Variants in C8orf34 observed in about 807,000 individuals in gnomAD.
The protein encoded by C8orf34 is chromosome 8 open reading frame 34, also known as uncharacterized protein C8orf34.
In C8orf34, 65 loss-of-function variants were observed where a neutral mutation model predicts 68.3. The ratio of observed to expected loss-of-function variants is 0.95; its 90% CI spans 0.78 to 1.17. C8orf34 has a LOEUF of 1.17. Ranked by LOEUF, C8orf34 falls within the 50% of genes most tolerant of loss-of-function variation. C8orf34 has a pLI of 0.00. For synonymous variants in C8orf34, 244 were observed against 241.2 expected, an observed-to-expected ratio of 1.01 and a Z score of -0.11; for missense variants, 664 against 655.4, an observed-to-expected ratio of 1.01 and a Z score of -0.14.
At chr8:68,705,779 G>A (rs1342165928) in intron 8 of C8orf34, among the ~76,000 whole-genome samples, 2 of 151,814 alleles carry the variant, frequency 1.3e-5, no homozygotes, top group East Asian at 3.9e-4. Context: ...CATATGCTGT[G>A]GGAAATGATA....
intron 3 of C8orf34, among the ~76,000 whole-genome samples, chr8:68,465,616 C>T (rs1178207555): frequency 6.6e-6 from 1 of 152,098 alleles, no homozygotes; most frequent in African/African-American, 2.4e-5. Context: ...GAATACTATG[C>T]AGCCATAAAA....
intron 8 of C8orf34, among the ~76,000 whole-genome samples, chr8:68,661,286 C>T (rs1316419179): frequency 6.6e-6 from 1 of 152,202 alleles, no homozygotes; most frequent in Admixed American, 6.5e-5. Flanking sequence ...CATTTGTTTT[C>T]AGAAAAAGTC....
rs533042000 is a variant in C8orf34 at position 68,469,730 on chromosome 8, TCAGTGGAAAGTAGTTA to T, written c.736+911_736+926del. Among the ~76,000 whole-genome samples the T allele has an allele frequency of 1.1e-3, 160 of 152,160 alleles. 1 individual carries two copies. The highest frequency in any genetic ancestry group is 3.2e-3 in the African/African-American group (134 of 41,564). On this transcript the variant is annotated intron_variant, in intron 4 of 13. Coordinates refer to ENST00000518698, the MANE Select transcript of C8orf34 (RefSeq NM_052958.4). ...ATTGCCATGGAATACTACAGAATTT[TCAGTGGAAAGTAGTTA>T]GAACACTAGCAAATTCTAGTGGATT...
intron 4 of C8orf34, among the ~76,000 whole-genome samples, chr8:68,474,436 C>A (rs1383597133): frequency 6.6e-6 from 1 of 152,130 alleles, no homozygotes. Context: ...TATCTTCACT[C>A]CTATCAATAT....
At chr8:68,630,999 T>G (rs941241775) in intron 7 of C8orf34, among the ~76,000 whole-genome samples, 1 of 147,962 alleles carries the variant, frequency 6.8e-6, no homozygotes, top group African/African-American at 2.5e-5. Context: ...GGTTCATGGC[T>G]CATGCCTGTA....
chr8:68,459,386 C>T (rs566103912), intron 3 of C8orf34, among the ~76,000 whole-genome samples: 8 of 152,150 alleles, frequency 5.3e-5, no homozygotes, highest in East Asian at 3.9e-4. Context: ...CGTGCCACCA[C>T]GTCCAGCTAA....
At chr8:68,552,645 T>C (rs951220811) in intron 7 of C8orf34, among the ~76,000 whole-genome samples, 3 of 152,166 alleles carry the variant, frequency 2.0e-5, no homozygotes, top group African/African-American at 7.2e-5. Context: ...GACATCCTTG[T>C]ACTGTAATTT....
chr8:68,555,864 A>G (rs1477358979), intron 7 of C8orf34, among the ~76,000 whole-genome samples: 2 of 152,088 alleles, frequency 1.3e-5, no homozygotes, highest in African/African-American at 2.4e-5. Flanking sequence ...CCATTTCTCT[A>G]TTCATCAATT....
chr8:68,331,006 G>A lies in C8orf34; in HGVS notation c.-7G>A. On this transcript the variant is annotated 5_prime_UTR_variant, in exon 1 of 14. Coordinates refer to ENST00000518698, the MANE Select transcript of C8orf34 (RefSeq NM_052958.4). Reference sequence around the variant, plus strand: ...CGAGGGTGGGCGCGAGGCGGAGAACGCGATGAATGAGTTCTCCCCTCGCCT... The same window carrying A: ...CGAGGGTGGGCGCGAGGCGGAGAACACGATGAATGAGTTCTCCCCTCGCCT... 7.1e-7 allele frequency: 1 copy of A among 1,404,462 alleles called. No homozygotes were observed. Among genetic ancestry groups the A allele is most frequent in the Admixed American group, 3.5e-5 (1 of 28,300 alleles). The allele number at this position is 1,404,462 out of a possible 1,614,324, so 87.0% of individuals were successfully genotyped here. A position where few individuals can be genotyped will look rare whatever the true frequency, so the allele number is the denominator to read the frequency against.
At chr8:68,468,552 T>A in intron 3 of C8orf34, 140 bp from the exon 4 acceptor site, 1 of 749,084 alleles carries the variant, frequency 1.3e-6, no homozygotes, top group Non-Finnish European at 1.9e-6. Context: ...CCCTCTTTTT[T>A]CTCACAAGCA....
chr8:68,345,836 T>TA (rs1464244901), intron 1 of C8orf34, among the ~76,000 whole-genome samples: 1 of 151,898 alleles, frequency 6.6e-6, no homozygotes, highest in African/African-American at 2.4e-5. Context: ...TTTATACATT[T>TA]AAAAAATACA....
rs539563277 is a variant in C8orf34, at chr8:68,696,919, A to G, written c.1242-12075A>G. On this transcript the variant is annotated intron_variant, in intron 8 of 13. Coordinates refer to ENST00000518698, the MANE Select transcript of C8orf34 (RefSeq NM_052958.4). ...TTTCCCCTCTAATTTTGATTTTCCT[A>G]GTATTAATATTAACTATGGCTAAAC... Among the ~76,000 whole-genome samples, 193 of 152,106 alleles carry G rather than the reference A, an allele frequency of 1.3e-3. 2 individuals carry two copies. The highest frequency in any genetic ancestry group is 4.5e-3 in the African/African-American group (187 of 41,540).
At chr8:68,575,342 T>G (rs1586395917) in intron 7 of C8orf34, among the ~76,000 whole-genome samples, 1 of 152,106 alleles carries the variant, frequency 6.6e-6, no homozygotes, top group Non-Finnish European at 1.5e-5. Context: ...CTAATCATTC[T>G]TTTTGTCAGG....
At chr8:68,707,399 G>C (rs1821197229) in intron 8 of C8orf34, among the ~76,000 whole-genome samples, 1 of 152,138 alleles carries the variant, frequency 6.6e-6, no homozygotes, top group South Asian at 2.1e-4. Flanking sequence ...GTCAGGAACA[G>C]TTATAATTTC....
intron 7 of C8orf34, among the ~76,000 whole-genome samples, chr8:68,633,695 A>T (rs1331354389): frequency 6.6e-6 from 1 of 152,130 alleles, no homozygotes; most frequent in Non-Finnish European, 1.5e-5. Flanking sequence ...TATCTATGGC[A>T]CTGGGCTGGA....
intron 12 of C8orf34, among the ~76,000 whole-genome samples, chr8:68,805,261 C>T (rs1261950144): frequency 6.6e-6 from 1 of 152,150 alleles, no homozygotes; most frequent in Non-Finnish European, 1.5e-5. Context: ...CAGCTTTGGG[C>T]AAATGTTTAG....
intron 6 of C8orf34, among the ~76,000 whole-genome samples, chr8:68,528,933 A>G (rs561283753): frequency 3.9e-5 from 6 of 152,298 alleles, no homozygotes; most frequent in Admixed American, 3.3e-4. Context: ...CCCTATGGCT[A>G]TGGGTGAGTC....
At chr8:68,723,008 A>C (rs1403171279) in intron 10 of C8orf34, among the ~76,000 whole-genome samples, 1 of 152,104 alleles carries the variant, frequency 6.6e-6, no homozygotes, top group Non-Finnish European at 1.5e-5. Flanking sequence ...CCTATAGATA[A>C]GGAAACAGAA....
intron 7 of C8orf34, among the ~76,000 whole-genome samples, chr8:68,592,678 G>A (rs1400455318): frequency 4.3e-5 from 6 of 140,184 alleles, no homozygotes; most frequent in East Asian, 2.1e-4. Flanking sequence ...GCGTGATCTC[G>A]GTTCACTGCA....
Sources: gnomAD v4.1 joint callset for allele counts (sites outside exome capture counted in the v4.1 genomes callset) on GRCh38, gnomAD v4.1.1 for gene constraint, MANE v1.5 for transcripts, NCBI Gene and HGNC (gene_info 2026-07-23, HGNC 2026-07-21) for gene names.